OGDHL: variants seen among roughly 807,000 people sequenced by gnomAD.
OGDHL encodes the protein oxoglutarate dehydrogenase L, also known as 2-oxoglutarate dehydrogenase-like, mitochondrial.
Under a neutral mutation model 109.6 loss-of-function variants are expected in OGDHL, and 79 were observed. The observed-to-expected ratio is 0.72, with a 90% CI of 0.60 to 0.87. The LOEUF is 0.87. OGDHL is among the 40% of genes least tolerant of loss of function. OGDHL has a pLI of 0.00. For missense variants in OGDHL, 1,275 were observed against 1,362.2 expected (o/e 0.94, Z 1.01); for synonymous variants, 528 against 537.2 (o/e 0.98, Z 0.24).
chr10:49,756,668 G>T, intron 3 of OGDHL, 108 bp downstream of exon 3: 1 of 1,132,616 alleles, frequency 8.8e-7, no homozygotes, highest in Non-Finnish European at 1.2e-6. Flanking sequence ...ACAAGGAGAA[G>T]GGCTCTCTGG....
intron 1 of OGDHL, among the ~76,000 whole-genome samples, chr10:49,760,576 T>G (rs781008328): frequency 2.6e-5 from 4 of 152,214 alleles, no homozygotes; most frequent in Non-Finnish European, 5.9e-5. Flanking sequence ...CAAAGGAAAC[T>G]AGATATCAAG....
chr10:49,748,655 CAA>C (rs774834276), intron 8 of OGDHL, among the ~76,000 whole-genome samples: 4 of 151,464 alleles, frequency 2.6e-5, no homozygotes, highest in Non-Finnish European at 5.9e-5. Context: ...TATGGAAGAG[CAA>C]AGTGAGGCTT....
At chr10:49,741,791 C>T (rs769024935) in intron 15 of OGDHL, among the ~76,000 whole-genome samples, 16 of 145,690 alleles carry the variant, frequency 1.1e-4, no homozygotes, top group Non-Finnish European at 2.1e-4. Flanking sequence ...ACACATACCA[C>T]ACATACATGC....
rs748170089 is a variant in OGDHL at position 49,747,185 on chromosome 10, G to C, written c.1011C>G (p.His337Gln). 3.7e-6 allele frequency: 6 copies of C among 1,614,158 alleles called. No homozygotes were observed. The East Asian group carries it at 1.3e-4, about 36-fold the overall frequency. The change falls in exon 9 of 23, where the codon CAC (histidine) becomes CAG (glutamine). Residue 337 changes from histidine to glutamine, a missense_variant. Physicochemically the swap from His to Gln is conservative, Grantham distance 24. Coordinates refer to ENST00000374103, the MANE Select transcript of OGDHL (RefSeq NM_018245.3). ...ADEGSGDVKYHLGMYHERINR... is the reference protein window; with the variant it reads ...ADEGSGDVKYQLGMYHERINR... ...TGATCCTCTCATGGTACATGCCCAG[G>C]TGGTACTTGACATCCCCGGAGCCCT...
intron 3 of OGDHL, among the ~76,000 whole-genome samples, chr10:49,754,522 C>G (rs1842802610): frequency 6.6e-6 from 1 of 152,114 alleles, no homozygotes; most frequent in Admixed American, 6.6e-5. Context: ...GAAGTTTCTC[C>G]TGATAGTGGG....
chr10:49,736,613 C>T, intron 20 of OGDHL, 93 bp from the exon 21 acceptor site: 5 of 1,373,648 alleles, frequency 3.6e-6, no homozygotes, highest in Non-Finnish European at 4.9e-6. Context: ...TCTCCTTAGC[C>T]ACTGACACTA....
intron 14 of OGDHL, 120 bp from the exon 15 acceptor site, chr10:49,743,098 G>T: frequency 7.6e-7 from 1 of 1,313,772 alleles, no homozygotes; most frequent in Non-Finnish European, 1.0e-6. Context: ...TGGTTGGAGG[G>T]CAGGGATGCT....
rs749349038 is a variant in OGDHL, at chr10:49,750,872, C to G, written c.863G>C (p.Gly288Ala). The G allele has an allele frequency of 1.2e-6, 2 of 1,612,036 alleles. No homozygotes were observed. Among genetic ancestry groups the G allele is most frequent in the Admixed American group, 3.3e-5 (2 of 59,810 alleles). The change falls in exon 7 of 23, where the codon GGG becomes GCG. Residue 288 changes from glycine to alanine, a missense_variant. Transcript: ENST00000374103. ...CATCCCCAAGATGACATTCTCAATCCCCATCTCGCTGGATTTGTCGATGAT... is the reference window on the plus strand; with the variant it reads ...CATCCCCAAGATGACATTCTCAATCGCCATCTCGCTGGATTTGTCGATGAT... The part of the protein sequence containing the change: ...KTIIDKSSEM[G>A]IENVILGMPH...
intron 6 of OGDHL, 24 bp from the exon 7 acceptor site, chr10:49,751,009 A>T: frequency 6.4e-7 from 1 of 1,571,512 alleles, no homozygotes; most frequent in Admixed American, 1.8e-5. Flanking sequence ...GGATGGGAAG[A>T]GGAAAGGGAA....
chr10:49,748,768 AC>A (rs1842382316), intron 8 of OGDHL, among the ~76,000 whole-genome samples: 2 of 151,618 alleles, frequency 1.3e-5, no homozygotes, highest in South Asian at 2.1e-4. Context: ...ACACACACAC[AC>A]ACACACACAC....
At chr10:49,738,155 G>T (rs1459280699) in intron 18 of OGDHL, 36 bp downstream of exon 18, 2 of 1,614,000 alleles carry the variant, frequency 1.2e-6, no homozygotes, top group South Asian at 2.2e-5. Context: ...GCACAATAGG[G>T]CGCGTCCCTG....
intron 3 of OGDHL, among the ~76,000 whole-genome samples, chr10:49,755,762 C>A (rs1842878698): frequency 6.6e-6 from 1 of 152,232 alleles, no homozygotes. Context: ...TACTGAAGGG[C>A]TGAGATCTGT....
At chr10:49,751,163 A>G (rs1320153081) in intron 6 of OGDHL, among the ~76,000 whole-genome samples, 178 bp from the exon 7 acceptor site, 1 of 152,086 alleles carries the variant, frequency 6.6e-6, no homozygotes, top group Non-Finnish European at 1.5e-5. Flanking sequence ...CCCACCCAGC[A>G]AAGGAACACA....
intron 15 of OGDHL, 128 bp downstream of exon 15, chr10:49,742,700 C>CA: frequency 1.6e-6 from 2 of 1,258,888 alleles, no homozygotes; most frequent in African/African-American, 3.0e-5. Flanking sequence ...CTGATGATGC[C>CA]ACCTGAGGGC....
chr10:49,744,967 A>G (rs890828545), intron 12 of OGDHL, among the ~76,000 whole-genome samples: 1 of 152,228 alleles, frequency 6.6e-6, no homozygotes, highest in Non-Finnish European at 1.5e-5. Flanking sequence ...CAGTGCGCTC[A>G]GCAAGGGGCT....
chr10:49,758,793 CTCTA>C (rs1843080027), intron 1 of OGDHL, 200 bp from the exon 2 acceptor site: 1 of 613,318 alleles, frequency 1.6e-6, no homozygotes, highest in Admixed American at 2.8e-5. Context: ...GCTCAGTAAA[CTCTA>C]TCAATAGATA....
chr10:49,757,003 TG>T (rs1347755530), intron 2 of OGDHL, 57 bp from the exon 3 acceptor site: 1 of 1,550,382 alleles, frequency 6.5e-7, no homozygotes, highest in East Asian at 2.3e-5. Context: ...GAGTCAGGGG[TG>T]GCCCAGGCTG....
intron 22 of OGDHL, 98 bp downstream of exon 22, chr10:49,735,925 G>C: frequency 7.5e-7 from 1 of 1,335,788 alleles, no homozygotes; most frequent in Non-Finnish European, 9.9e-7. Context: ...CCAGAGAAGG[G>C]CAGGGCCAGT....
Position 49,742,812 on chromosome 10 carries a change from GC to G in OGDHL, c.2012+15del. The G allele has an allele frequency of 6.2e-7, 1 of 1,608,160 alleles. No individual in the cohort carries two copies. ...TCCAGGTCTCCTGTGCGGATGCTGAGCCCCACTGCGCTCACCTGAATGTGCC... is the reference window on the plus strand; with the variant it reads ...TCCAGGTCTCCTGTGCGGATGCTGAGCCCACTGCGCTCACCTGAATGTGCC... On this transcript the variant is annotated intron_variant, in intron 15 of 22. Coordinates refer to ENST00000374103, the MANE Select transcript of OGDHL (RefSeq NM_018245.3).
Sources: gnomAD v4.1 joint callset for allele counts (sites outside exome capture counted in the v4.1 genomes callset) on GRCh38, gnomAD v4.1.1 for gene constraint, MANE v1.5 for transcripts, NCBI Gene and HGNC (gene_info 2026-07-23, HGNC 2026-07-21) for gene names.